The following ACO1 variants were observed in gnomAD, a reference collection of about 807,000 sequenced individuals.
The protein encoded by ACO1 is aconitase 1.
In ACO1, 78 loss-of-function variants were observed where a neutral mutation model predicts 105.1. That is an observed-to-expected ratio of 0.74 (90% CI 0.62 to 0.90). The LOEUF (loss-of-function observed/expected upper bound fraction) is 0.90. Ranked by LOEUF, ACO1 falls within the 40% of genes least tolerant of loss-of-function variation. ACO1 has a pLI of 0.00. For synonymous variants in ACO1, 364 were observed against 397.4 expected, an observed-to-expected ratio of 0.92 and a Z score of 1.00; for missense variants, 965 against 1,111.1, an observed-to-expected ratio of 0.87 and a Z score of 1.87.
chr9:32,425,630 C>T (rs574123945), intron 10 of ACO1, among the ~76,000 whole-genome samples: 24 of 152,216 alleles, frequency 1.6e-4, no homozygotes, highest in South Asian at 4.2e-4. Context: ...AGATTTCAAA[C>T]GAGTAATTTT....
At chr9:32,428,183 C>G (rs1822142147) in intron 12 of ACO1, among the ~76,000 whole-genome samples, 1 of 150,092 alleles carries the variant, frequency 6.7e-6, no homozygotes. Context: ...TCTCGGGAGG[C>G]TGAGGCTGCA....
At chr9:32,420,253 A>G (rs1277060356) in intron 7 of ACO1, among the ~76,000 whole-genome samples, 1 of 119,312 alleles carries the variant, frequency 8.4e-6, no homozygotes, top group Admixed American at 8.9e-5. Flanking sequence ...TACTTGTAGC[A>G]TGAATTTTGC....
chr9:32,420,430 C>T (rs995595702), intron 7 of ACO1, among the ~76,000 whole-genome samples: 1 of 152,180 alleles, frequency 6.6e-6, no homozygotes, highest in Non-Finnish European at 1.5e-5. Context: ...TTTGGGCACA[C>T]TTTGTCTTTC....
chr9:32,422,842 A>G (rs1245665372), intron 8 of ACO1, among the ~76,000 whole-genome samples: 2 of 152,226 alleles, frequency 1.3e-5, no homozygotes, highest in Admixed American at 1.3e-4. Context: ...TTGAGGTAAT[A>G]CATTTAAAAT....
intron 14 of ACO1, 24 bp downstream of exon 14, chr9:32,430,598 T>C: frequency 6.4e-7 from 1 of 1,572,054 alleles, no homozygotes; most frequent in Non-Finnish European, 8.6e-7. Flanking sequence ...TGTGCAGCCA[T>C]AATTTTTTTC....
chr9:32,390,927 C>A (rs1185819772), intron 1 of ACO1, among the ~76,000 whole-genome samples: 2 of 152,044 alleles, frequency 1.3e-5, no homozygotes, highest in Non-Finnish European at 2.9e-5. Flanking sequence ...AGGCGAAAGA[C>A]CTGAAAAAAT....
At chr9:32,400,772 A>G (rs1211658916) in intron 1 of ACO1, among the ~76,000 whole-genome samples, 3 of 152,378 alleles carry the variant, frequency 2.0e-5, no homozygotes, top group East Asian at 3.9e-4. Context: ...ATGCATGCTT[A>G]TCAAAAATAG....
At chr9:32,400,149 T>G (rs1322402452) in intron 1 of ACO1, among the ~76,000 whole-genome samples, 5 of 152,042 alleles carry the variant, frequency 3.3e-5, no homozygotes, top group Non-Finnish European at 7.4e-5. Flanking sequence ...TTTTGTACTT[T>G]TAGTAGAGAT....
intron 4 of ACO1, among the ~76,000 whole-genome samples, chr9:32,414,010 G>A (rs1821797217): frequency 6.6e-6 from 1 of 152,042 alleles, no homozygotes; most frequent in Non-Finnish European, 1.5e-5. Context: ...TTAACTGGGT[G>A]TGGTGGCAGG....
At chr9:32,419,389 A>C (rs1418630671) in intron 7 of ACO1, among the ~76,000 whole-genome samples, 1 of 152,248 alleles carries the variant, frequency 6.6e-6, no homozygotes, top group Non-Finnish European at 1.5e-5. Flanking sequence ...TGCTGCATCG[A>C]TCTTTTTCTT....
intron 4 of ACO1, among the ~76,000 whole-genome samples, chr9:32,411,775 T>G (rs1276507966): frequency 6.6e-6 from 1 of 152,234 alleles, no homozygotes. Context: ...GCACTATAAA[T>G]TAGAAATGAG....
intron 19 of ACO1, among the ~76,000 whole-genome samples, chr9:32,440,919 T>C (rs1481708243): frequency 1.3e-5 from 2 of 152,156 alleles, no homozygotes; most frequent in Non-Finnish European, 2.9e-5. Context: ...TCATGGCTTT[T>C]ATAACATTCT....
At chr9:32,395,200 G>A (rs1821347467) in intron 1 of ACO1, among the ~76,000 whole-genome samples, 1 of 152,130 alleles carries the variant, frequency 6.6e-6, no homozygotes, top group Non-Finnish European at 1.5e-5. Flanking sequence ...TGCAGGCTGG[G>A]TGTGGTGGCT....
rs181000234 is a variant in ACO1, at chr9:32,452,182, C to T, written c.*2071C>T. On this transcript the variant is annotated 3_prime_UTR_variant, in exon 21 of 21. Coordinates refer to ENST00000309951, the MANE Select transcript of ACO1 (RefSeq NM_002197.3). ...AAGAATGGCTGAGAAAACAGACCTC[C>T]ACCCTCTCAGCTCTCCATTACTGAG... 2.0e-5 allele frequency: 3 copies of T among 152,374 alleles called. No individual in the cohort carries two copies. The highest frequency in any genetic ancestry group is 2.0e-4 in the Admixed American group (3 of 15,304). 9.4% of individuals were successfully genotyped at this position (152,374 alleles called of 1,614,324 possible). A position where few individuals can be genotyped will look rare whatever the true frequency, so the allele number is the denominator to read the frequency against.
At chr9:32,391,698 A>G (rs980514127) in intron 1 of ACO1, among the ~76,000 whole-genome samples, 1 of 152,232 alleles carries the variant, frequency 6.6e-6, no homozygotes, top group African/African-American at 2.4e-5. Flanking sequence ...TATAACTGCT[A>G]TTGTGGAATT....
chr9:32,425,045 G>A (rs930561466), intron 10 of ACO1, among the ~76,000 whole-genome samples: 10 of 152,330 alleles, frequency 6.6e-5, no homozygotes, highest in African/African-American at 2.4e-4. Context: ...CAGCTACTCT[G>A]CATTGGGTTC....
intron 10 of ACO1, among the ~76,000 whole-genome samples, chr9:32,425,295 C>T (rs1000266083): frequency 6.6e-6 from 1 of 152,134 alleles, no homozygotes; most frequent in African/African-American, 2.4e-5. Context: ...TGAACATTTC[C>T]CAAAAGAATG....
intron 1 of ACO1, among the ~76,000 whole-genome samples, chr9:32,388,567 T>A (rs568660064): frequency 6.6e-5 from 10 of 152,176 alleles, no homozygotes; most frequent in Non-Finnish European, 1.3e-4. Flanking sequence ...ATATGATACA[T>A]TGTAGAGTAC....
intron 4 of ACO1, among the ~76,000 whole-genome samples, chr9:32,417,705 G>C (rs1821880505): frequency 6.6e-6 from 1 of 152,184 alleles, no homozygotes; most frequent in African/African-American, 2.4e-5. Context: ...AACATAAAGA[G>C]ATGAAAATAC....
Sources: allele counts gnomAD v4.1 joint callset (sites outside exome capture counted in the v4.1 genomes callset), GRCh38; gene constraint gnomAD v4.1.1; transcripts MANE v1.5; gene names NCBI Gene and HGNC (gene_info 2026-07-23, HGNC 2026-07-21).